The following KANK2 variants were observed in gnomAD, a reference collection of about 807,000 sequenced individuals.
The protein encoded by KANK2 is KN motif and ankyrin repeat domain-containing protein 2.
A neutral mutation model predicts 74.6 loss-of-function variants in KANK2; 41 were observed. The observed-to-expected ratio is 0.55, with a 90% CI of 0.43 to 0.71. KANK2 has a LOEUF of 0.71. Among genes scored for constraint, KANK2 ranks in the 30% least tolerant of loss-of-function variants. The pLI, the probability that KANK2 is intolerant of heterozygous loss-of-function variation, is 0.00. For synonymous variants in KANK2, 537 were observed against 519.0 expected, an observed-to-expected ratio of 1.03 and a Z score of -0.47; for missense variants, 1,148 against 1,196.4, an observed-to-expected ratio of 0.96 and a Z score of 0.60.
chr19:11,197,741 C>G (rs1363394642), upstream of KANK2: 2 of 152,100 alleles, frequency 1.3e-5, no homozygotes, highest in Middle Eastern at 3.4e-3. Flanking sequence ...CCGGGGTGTC[C>G]GGCCTCGTCC....
intron 8 of KANK2, among the ~76,000 whole-genome samples, chr19:11,175,552 C>G (rs1237745481): frequency 6.6e-6 from 1 of 151,814 alleles, no homozygotes; most frequent in South Asian, 2.1e-4. Flanking sequence ...TCCCAAAGCA[C>G]CAGGATGACA....
rs753933217 is a variant in KANK2, at chr19:11,175,427, C to CAAAAAAA, written c.1848+468_1848+474dup. On this transcript the variant is annotated intron_variant, in intron 8 of 12. Transcript: ENST00000586659. ...TGGGTGACAGAGCAAGACTCCCTCT[C>CAAAAAAA]AAAAAAAAAAAAAAAAAAAAAAAAA... 9.1e-3 allele frequency among the ~76,000 whole-genome samples: 136 copies of CAAAAAAA among 14,970 alleles called. 8 individuals carry two copies. The highest frequency in any genetic ancestry group is 0.023 in the African/African-American group (126 of 5,380). 9.8% of individuals were successfully genotyped at this position (14,970 alleles called of 152,430 possible).
In KANK2 at chr19:11,193,932, C is replaced by T. The variant is rs762003798; in HGVS notation, c.148G>A (p.Val50Met). ...GTGTGGCCCTTCTCGATGTCATCCA[C>T]GTACTTGAGGAAGTCCAGGTCCAGG... ...YRLDLDFLKY[V>M]DDIEKGHTLR... Residue 50 changes from valine to methionine, a missense_variant, in exon 4 of 13, where the codon GTG (valine) becomes ATG (methionine). Physicochemically the swap from Val to Met is conservative, Grantham distance 21. Transcript: ENST00000586659. The surrounding 1 kb of genome is among the most constrained non-coding windows in gnomAD (Gnocchi z 9.6). The T allele has an allele frequency of 2.5e-6, 4 of 1,613,892 alleles. No homozygotes were observed. Among genetic ancestry groups the T allele is most frequent in the Non-Finnish European group, 8.5e-7 (1 of 1,180,024 alleles).
At chr19:11,169,194 C>A (rs1370936790) in intron 12 of KANK2, among the ~76,000 whole-genome samples, 1 of 152,010 alleles carries the variant, frequency 6.6e-6, no homozygotes, top group Non-Finnish European at 1.5e-5. Flanking sequence ...AAAAATTAGC[C>A]GGGCATGGTG....
intron 9 of KANK2, among the ~76,000 whole-genome samples, chr19:11,174,015 G>A (rs1379845851): frequency 2.0e-5 from 3 of 151,898 alleles, no homozygotes; most frequent in Non-Finnish European, 4.4e-5. Flanking sequence ...AGACTGGAAG[G>A]GTGGCATCTC....
At chr19:11,173,625 A>G (rs1487481738) in intron 9 of KANK2, among the ~76,000 whole-genome samples, 1 of 152,138 alleles carries the variant, frequency 6.6e-6, no homozygotes, top group African/African-American at 2.4e-5. Flanking sequence ...TTAGGTTCAC[A>G]CGTTTCCCTA....
chr19:11,170,101 T>C lies in KANK2; in HGVS notation c.2359A>G (p.Ile787Val). The C allele has an allele frequency of 6.2e-7, 1 of 1,613,550 alleles. No individual in the cohort carries two copies. Among genetic ancestry groups the C allele is most frequent in the Non-Finnish European group, 8.5e-7 (1 of 1,179,972 alleles). The change falls in exon 11 of 13, where the codon ATC (isoleucine) becomes GTC (valine). Residue 787 changes from isoleucine (I) to valine (V), a missense_variant. By Grantham distance (29) the Ile-to-Val change is conservative. Coordinates refer to ENST00000586659, the MANE Select transcript of KANK2 (RefSeq NM_001136191.3). The surrounding 1 kb of genome is among the most constrained non-coding windows in gnomAD (Gnocchi z 5.2). ...GGCACGGCCAGCAGCAGCCCCGCGA[T>C]CTCCTTGTGGCCGTGCTCACAGGCG... ...MCACEHGHKE[I>V]AGLLLAVPSC...
At chr19:11,187,526 A>C (rs182482072) in intron 4 of KANK2, among the ~76,000 whole-genome samples, 263 of 152,218 alleles carry the variant, frequency 1.7e-3, no homozygotes, top group Non-Finnish European at 3.1e-3. Flanking sequence ...TGGAGAGCGG[A>C]GGGTGGTGAG....
intron 3 of KANK2, 54 bp from the exon 4 acceptor site, chr19:11,194,096 G>C: frequency 6.5e-7 from 1 of 1,526,964 alleles, no homozygotes; most frequent in Non-Finnish European, 8.8e-7. Context: ...CCATTCTCAG[G>C]GTGAAGACTG....
intron 4 of KANK2, among the ~76,000 whole-genome samples, chr19:11,191,664 A>G (rs2078850151): frequency 6.6e-6 from 1 of 152,244 alleles, no homozygotes; most frequent in African/African-American, 2.4e-5. Context: ...CTGGACAGAC[A>G]GATGCCTGGA....
chr19:11,174,655 C>A lies in KANK2; in HGVS notation c.1886G>T (p.Arg629Leu). 6.2e-7 allele frequency: 1 copy of A among 1,608,996 alleles called. No homozygotes were observed. Among genetic ancestry groups the A allele is most frequent in the Non-Finnish European group, 8.5e-7 (1 of 1,178,610 alleles). The change falls in exon 9 of 13, where the codon CGC becomes CTC. Residue 629 changes from arginine (R) to leucine (L), a missense_variant. Arg to Leu is a moderately radical substitution (Grantham distance 102). Transcript: ENST00000586659. Reference protein sequence around the residue: ...AYTTVLQEWLRLACRSDAHPE... With the variant: ...AYTTVLQEWLLLACRSDAHPE... ...GTGTGCGTCGCTGCGGCAGGCCAGG[C>A]GCAGCCACTCCTGCAGCACTGTGGT...
At chr19:11,172,174 A>G (rs1318216475) in intron 10 of KANK2, among the ~76,000 whole-genome samples, 1 of 149,660 alleles carries the variant, frequency 6.7e-6, no homozygotes, top group African/African-American at 2.5e-5. Flanking sequence ...GCAGGGTTTC[A>G]CCATGTTGGT....
chr19:11,195,292 GC>G (rs1350897832), intron 2 of KANK2: 1 of 152,218 alleles, frequency 6.6e-6, no homozygotes, highest in Non-Finnish European at 1.5e-5. Context: ...CCGGGTGGAG[GC>G]CCAGGAAGTC....
rs1281484989 is a variant in KANK2 at position 11,170,300 on chromosome 19, C to A, written c.2212-52G>T. On this transcript the variant is annotated intron_variant, in intron 10 of 12. Transcript: ENST00000586659. The surrounding 1 kb of genome is among the most constrained non-coding windows in gnomAD (Gnocchi z 5.2). ...GGTTCATGCAGGCCCCAGGGCAGGA[C>A]ACCCCCTGGTCTAGAACCTGCTGTA... 5 of 1,509,474 alleles carry A rather than the reference C, an allele frequency of 3.3e-6. No individual in the cohort carries two copies. The Admixed American group carries it at 6.8e-5, about 20-fold the overall frequency. The allele number at this position is 1,509,474 out of a possible 1,614,324, so 93.5% of individuals were successfully genotyped here. A position where few individuals can be genotyped will look rare whatever the true frequency, so the allele number is the denominator to read the frequency against.
intron 4 of KANK2, among the ~76,000 whole-genome samples, chr19:11,189,092 A>C: frequency 3.5e-5 from 4 of 114,704 alleles, no homozygotes; most frequent in African/African-American, 9.5e-5. Flanking sequence ...ACATGAATTG[A>C]TTCTCTCCCC....
rs979255202 is a variant in KANK2, at chr19:11,190,950, T to C, written c.1249+1881A>G. ...TTCACCATGTTGGCCAGGCTGGTCT[T>C]GAACTCCTGGCCTCAAGTGATCTGC... On this transcript the variant is annotated intron_variant, in intron 4 of 12. Coordinates refer to ENST00000586659, the MANE Select transcript of KANK2 (RefSeq NM_001136191.3). 4.6e-5 allele frequency among the ~76,000 whole-genome samples: 7 copies of C among 151,446 alleles called. No individual in the cohort carries two copies. In the East Asian group the frequency reaches 1.2e-3, roughly 25 times the overall value.
intron 4 of KANK2, among the ~76,000 whole-genome samples, chr19:11,191,719 AG>A (rs2078852288): frequency 6.6e-6 from 1 of 152,210 alleles, no homozygotes. Flanking sequence ...AGAAGCTCCC[AG>A]GGAAAACAAG....
chr19:11,193,725 C>T lies in KANK2; in HGVS notation c.355G>A (p.Gly119Ser), dbSNP rs747825018. The T allele has an allele frequency of 3.7e-6, 6 of 1,612,378 alleles. No homozygotes were observed. Among genetic ancestry groups the T allele is most frequent in the Admixed American group, 1.7e-5 (1 of 60,018 alleles). ...PQYGALETRGGFNPRVERTLL... is the reference protein window; with the variant it reads ...PQYGALETRGSFNPRVERTLL... ...GTGCGCTCCACCCGCGGATTGAAGC[C>T]ACCGCGGGTCTCCAGAGCACCATAC... Residue 119 changes from glycine (G) to serine (S), a missense_variant, in exon 4 of 13, where the codon GGC (glycine) becomes AGC (serine). Gly to Ser is a moderately conservative substitution (Grantham distance 56, BLOSUM62 0). Coordinates refer to ENST00000586659, the MANE Select transcript of KANK2 (RefSeq NM_001136191.3). This position sits in a 1 kb window ranked among gnomAD's most constrained non-coding sequence, Gnocchi z 9.6.
chr19:11,192,787 C>G (rs763897410), intron 4 of KANK2, 44 bp downstream of exon 4: 13 of 1,570,748 alleles, frequency 8.3e-6, no homozygotes, highest in Middle Eastern at 1.7e-4. Flanking sequence ...AAAGAGGCCC[C>G]CCCCCCCCAA....
Sources: allele counts gnomAD v4.1 joint callset (sites outside exome capture counted in the v4.1 genomes callset), GRCh38; gene constraint gnomAD v4.1.1; non-coding constraint Gnocchi (gnomAD v3.1); transcripts MANE v1.5; gene names NCBI Gene and HGNC (gene_info 2026-07-23, HGNC 2026-07-21).